Variants in GPHN observed in about 807,000 individuals in gnomAD.
GPHN encodes gephyrin.
A neutral mutation model predicts 95.5 loss-of-function variants in GPHN; 17 were observed. That is an observed-to-expected ratio of 0.18 (90% CI 0.12 to 0.27). The LOEUF (loss-of-function observed/expected upper bound fraction) is 0.27, where lower values mean the gene tolerates loss of function less well. Among genes scored for constraint, GPHN ranks in the 10% least tolerant of loss-of-function variants. The pLI, the probability that GPHN is intolerant of heterozygous loss-of-function variation, is 1.00. For missense variants in GPHN, 660 were observed against 978.1 expected, an observed-to-expected ratio of 0.67 and a Z score of 4.34; for synonymous variants, 320 against 322.5, an observed-to-expected ratio of 0.99 and a Z score of 0.08.
At chr14:67,124,874 C>G (rs557124491) in intron 17 of GPHN, among the ~76,000 whole-genome samples, 1 of 151,818 alleles carries the variant, frequency 6.6e-6, no homozygotes, top group South Asian at 2.1e-4. Flanking sequence ...TTGAAGTACT[C>G]TAAAGGCCAA....
chr14:66,757,956 G>A (rs144853760), intron 2 of GPHN, among the ~76,000 whole-genome samples: 2 of 152,294 alleles, frequency 1.3e-5, no homozygotes, highest in Non-Finnish European at 2.9e-5. Flanking sequence ...GGGATGTGGT[G>A]GGGAGGGGTG....
chr14:66,747,974 A>G (rs986745813), intron 2 of GPHN, among the ~76,000 whole-genome samples: 8 of 152,068 alleles, frequency 5.3e-5, no homozygotes, highest in Non-Finnish European at 8.8e-5. Context: ...ATAAACTGTG[A>G]TGATGTATCA....
intron 10 of GPHN, among the ~76,000 whole-genome samples, chr14:67,057,406 A>ATG (rs1555477437): frequency 9.4e-6 from 1 of 106,204 alleles, no homozygotes; most frequent in African/African-American, 7.3e-5. Flanking sequence ...ACATGGGCAC[A>ATG]TGGGTGGGGG....
chr14:67,469,561 C>T, the GPHN span, among the ~76,000 whole-genome samples: 3 of 144,584 alleles, frequency 2.1e-5, no homozygotes, highest in African/African-American at 7.6e-5. Context: ...GCTGGGTTTA[C>T]AGGTGTGAGC....
chr14:66,792,691 A>G (rs1040437515), intron 3 of GPHN, among the ~76,000 whole-genome samples: 2 of 152,214 alleles, frequency 1.3e-5, no homozygotes, highest in Admixed American at 6.5e-5. Context: ...GTAAAGTGCA[A>G]AGACCAGCTC....
the GPHN span, among the ~76,000 whole-genome samples, chr14:67,401,725 CTGTGA>C: frequency 6.6e-6 from 1 of 152,246 alleles, no homozygotes; most frequent in East Asian, 1.9e-4. Flanking sequence ...ACCACCTATT[CTGTGA>C]TATTTAGTTA....
At chr14:66,918,389 G>GAGA (rs2066023361) in intron 6 of GPHN, among the ~76,000 whole-genome samples, 1 of 152,170 alleles carries the variant, frequency 6.6e-6, no homozygotes, top group East Asian at 1.9e-4. Flanking sequence ...CTAAAGTAGA[G>GAGA]AGAAGCAATT....
chr14:67,404,740 G>T, the GPHN span, among the ~76,000 whole-genome samples: 39 of 151,900 alleles, frequency 2.6e-4, no homozygotes, highest in African/African-American at 8.9e-4. Flanking sequence ...AGCCTGGGAG[G>T]TCGAGGCTGC....
chr14:66,699,516 C>G (rs1485853498), intron 2 of GPHN, among the ~76,000 whole-genome samples: 1 of 151,980 alleles, frequency 6.6e-6, no homozygotes, highest in Non-Finnish European at 1.5e-5. Context: ...TTCATTATGT[C>G]TTTGTGAGTA....
At chr14:67,589,425 C>CTGAT in the GPHN span, 378 of 985,002 alleles carry the variant, frequency 3.8e-4, no homozygotes, top group Non-Finnish European at 4.4e-4. Flanking sequence ...AGCTTTTGAA[C>CTGAT]TGATATAAAA....
chr14:66,522,403 T>C (rs187943542), intron 1 of GPHN, among the ~76,000 whole-genome samples: 1 of 152,320 alleles, frequency 6.6e-6, no homozygotes, highest in Admixed American at 6.5e-5. Flanking sequence ...AAAATGCTTT[T>C]ACATGATCAA....
the GPHN span, chr14:67,411,922 C>T: frequency 8.6e-7 from 1 of 1,157,408 alleles, no homozygotes; most frequent in Non-Finnish European, 1.2e-6. Flanking sequence ...GGAACCAGAG[C>T]ATGCCCGTTC....
At chr14:67,158,307 CAAAA>C (rs368266629) in intron 18 of GPHN, among the ~76,000 whole-genome samples, 7 of 55,736 alleles carry the variant, frequency 1.3e-4, no homozygotes, top group Admixed American at 3.9e-4. Flanking sequence ...AACTCCATCT[CAAAA>C]AAAAAAAAAA....
chr14:67,144,788 A>G (rs2080801752), intron 18 of GPHN, among the ~76,000 whole-genome samples: 1 of 152,210 alleles, frequency 6.6e-6, no homozygotes, highest in South Asian at 2.1e-4. Context: ...ACCTGAACAG[A>G]AGAATGCCTG....
At chr14:66,918,191 A>G (rs76431949) in intron 6 of GPHN, among the ~76,000 whole-genome samples, 1 of 152,202 alleles carries the variant, frequency 6.6e-6, no homozygotes. Context: ...TAACAGAAGT[A>G]ACAAATGAGG....
chr14:66,917,110 T>C (rs965947239), intron 6 of GPHN, among the ~76,000 whole-genome samples: 2 of 152,220 alleles, frequency 1.3e-5, no homozygotes, highest in South Asian at 2.1e-4. Context: ...CTATATATCA[T>C]AGAAATTAGC....
At chr14:67,293,611 T>G in the GPHN span, among the ~76,000 whole-genome samples, 1 of 152,186 alleles carries the variant, frequency 6.6e-6, no homozygotes, top group East Asian at 1.9e-4. Flanking sequence ...AAAATTACTT[T>G]TCTTACGGAG....
chr14:66,690,400 A>G (rs542307810), intron 2 of GPHN, among the ~76,000 whole-genome samples: 6 of 152,312 alleles, frequency 3.9e-5, no homozygotes, highest in East Asian at 1.9e-4. Context: ...GATACTTAAT[A>G]TGACTTCAAT....
At chr14:67,217,166 TCTTTTTTTTTTAC>T in the GPHN span, among the ~76,000 whole-genome samples, 3 of 143,590 alleles carry the variant, frequency 2.1e-5, no homozygotes, top group African/African-American at 8.3e-5. Flanking sequence ...ACTTTCTTCA[TCTTTTTTTTTTAC>T]AGTTTCTGAC....
Sources: allele counts gnomAD v4.1 joint callset (sites outside exome capture counted in the v4.1 genomes callset), GRCh38; gene constraint gnomAD v4.1.1; transcripts MANE v1.5; gene names NCBI Gene and HGNC (gene_info 2026-07-23, HGNC 2026-07-21).